EDNRB: variants seen among roughly 807,000 people sequenced by gnomAD.
EDNRB encodes the protein endothelin receptor type B, also known as Hirschsprung disease 2.
In EDNRB, 18 loss-of-function variants were observed where a neutral mutation model predicts 46.4. The observed-to-expected ratio is 0.39, with a 90% CI of 0.27 to 0.57. The LOEUF (loss-of-function observed/expected upper bound fraction) is 0.57, where lower values mean the gene tolerates loss of function less well. EDNRB is among the 20% of genes least tolerant of loss of function. The pLI is 0.61. For synonymous variants in EDNRB, 213 were observed against 204.9 expected (o/e 1.04, Z -0.34); for missense variants, 434 against 537.5 (o/e 0.81, Z 1.90).
At chr13:77,940,755 A>G (rs915415496) in intron 1 of EDNRB, among the ~76,000 whole-genome samples, 1 of 151,730 alleles carries the variant, frequency 6.6e-6, no homozygotes, top group Non-Finnish European at 1.5e-5. Context: ...CATGATGCAC[A>G]AAGAGCAGTT....
intron 1 of EDNRB, among the ~76,000 whole-genome samples, chr13:77,940,920 C>A (rs144812202): frequency 2.2e-3 from 340 of 152,242 alleles, no homozygotes; most frequent in African/African-American, 7.8e-3. Flanking sequence ...GAACAGGATC[C>A]TAGATGCCAT....
intron 1 of EDNRB, among the ~76,000 whole-genome samples, chr13:77,925,478 A>G (rs1368052594): frequency 2.0e-5 from 3 of 152,216 alleles, no homozygotes; most frequent in African/African-American, 7.2e-5. Flanking sequence ...TAAATGGCTA[A>G]AAGGGGCCAA....
intron 1 of EDNRB, among the ~76,000 whole-genome samples, chr13:77,941,243 G>A (rs1472617238): frequency 2.0e-5 from 3 of 152,178 alleles, no homozygotes; most frequent in African/African-American, 7.2e-5. Flanking sequence ...GGAGGGAAGA[G>A]ATTCAAGAAG....
chr13:77,959,172 C>A (rs1881326393), intron 1 of EDNRB, among the ~76,000 whole-genome samples: 1 of 152,220 alleles, frequency 6.6e-6, no homozygotes, highest in African/African-American at 2.4e-5. Flanking sequence ...ATGTCCCTGT[C>A]TGACAGCTTT....
At chr13:77,955,603 G>C (rs1299220812) in intron 1 of EDNRB, among the ~76,000 whole-genome samples, 1 of 151,962 alleles carries the variant, frequency 6.6e-6, no homozygotes, top group Non-Finnish European at 1.5e-5. Flanking sequence ...GAGTTTTATG[G>C]CTTCATGTTT....
intron 1 of EDNRB, among the ~76,000 whole-genome samples, chr13:77,943,827 T>A (rs957455424): frequency 6.6e-6 from 1 of 152,058 alleles, no homozygotes; most frequent in Admixed American, 6.6e-5. Context: ...TTCTTTTTTT[T>A]AAATAAGTAA....
Position 77,895,898 on chromosome 13 carries a change from T to C in EDNRB, c.*2302A>G, listed in dbSNP as rs899501477. 6.5e-6 allele frequency: 1 copy of C among 152,698 alleles called. No homozygotes were observed. The highest frequency in any genetic ancestry group is 1.5e-5 in the Non-Finnish European group (1 of 68,500). 9.5% of individuals were successfully genotyped at this position (152,698 alleles called of 1,614,324 possible). ...AGTGGATAATAAGGGAGAAAATAGG[T>C]TAAAATCTTTTATAAATCTTTTGAG... is the stretch of plus-strand genomic sequence containing the variant. On this transcript the variant is annotated 3_prime_UTR_variant, in exon 7 of 7. Coordinates refer to ENST00000646607, the MANE Select transcript of EDNRB (RefSeq NM_001122659.3).
At chr13:77,902,436 G>T (rs1046706792) in intron 3 of EDNRB, among the ~76,000 whole-genome samples, 1 of 151,618 alleles carries the variant, frequency 6.6e-6, no homozygotes, top group Admixed American at 6.6e-5. Flanking sequence ...CCCCCTCCTA[G>T]CCTCTATCAC....
intron 1 of EDNRB, among the ~76,000 whole-genome samples, chr13:77,915,313 T>C (rs548959772): frequency 2.0e-5 from 3 of 152,324 alleles, no homozygotes; most frequent in East Asian, 1.9e-4. Flanking sequence ...AAATCCTGAC[T>C]CAAATTAATT....
chr13:77,945,466 C>G (rs1880876494), intron 1 of EDNRB, among the ~76,000 whole-genome samples: 1 of 152,158 alleles, frequency 6.6e-6, no homozygotes. Flanking sequence ...AAATTAACAA[C>G]TTTTCTTGGA....
chr13:77,908,562 A>G (rs188870304), intron 1 of EDNRB, among the ~76,000 whole-genome samples: 1,770 of 152,164 alleles, frequency 0.012, 21 homozygotes, highest in Non-Finnish European at 0.02. Context: ...ACAACATCTA[A>G]CATCAATAAT....
Position 77,918,023 on chromosome 13 carries a change from C to G in EDNRB, c.483+68G>C. ...AAGGGAAGCTCCCTCTACAAGCTTT[C>G]TCATCTCCCCGTCTCCAACCAGGCC... On this transcript the variant is annotated intron_variant, in intron 1 of 6. Coordinates refer to ENST00000646607, the MANE Select transcript of EDNRB (RefSeq NM_001122659.3). This position sits in a 1 kb window ranked among gnomAD's most constrained non-coding sequence, Gnocchi z 4.5. 6.2e-7 allele frequency: 1 copy of G among 1,611,594 alleles called. No individual in the cohort carries two copies. Among genetic ancestry groups the G allele is most frequent in the Non-Finnish European group, 8.5e-7 (1 of 1,179,618 alleles).
intron 5 of EDNRB, 104 bp downstream of exon 5, chr13:77,900,417 G>T: frequency 6.5e-7 from 1 of 1,541,836 alleles, no homozygotes; most frequent in Non-Finnish European, 8.9e-7. Flanking sequence ...ACTTCCTAAG[G>T]GTTAGAAAAA....
upstream of EDNRB, among the ~76,000 whole-genome samples, chr13:77,922,141 G>A (rs537884149): frequency 6.7e-6 from 1 of 150,306 alleles, no homozygotes; most frequent in South Asian, 2.1e-4. Flanking sequence ...TTTTTGGCTA[G>A]GTAAATGTGG....
intron 1 of EDNRB, among the ~76,000 whole-genome samples, chr13:77,954,276 C>T (rs544612310): frequency 1.3e-5 from 2 of 152,130 alleles, no homozygotes; most frequent in East Asian, 3.9e-4. Context: ...TTTATAAAAA[C>T]TCCTTATATG....
chr13:77,945,859 T>C (rs1271075844), intron 1 of EDNRB, among the ~76,000 whole-genome samples: 4 of 109,740 alleles, frequency 3.6e-5, no homozygotes, highest in Admixed American at 3.2e-4. Context: ...GAAAATACTC[T>C]AAGCCATGCA....
intron 3 of EDNRB, 24 bp downstream of exon 3, chr13:77,903,132 G>A (rs1879084983): frequency 6.2e-7 from 1 of 1,611,056 alleles, no homozygotes; most frequent in South Asian, 1.1e-5. Flanking sequence ...GAGCAGAAAG[G>A]AAAATAAAAA....
intron 1 of EDNRB, among the ~76,000 whole-genome samples, chr13:77,906,668 C>T (rs1182669257): frequency 6.6e-6 from 1 of 151,964 alleles, no homozygotes; most frequent in African/African-American, 2.4e-5. Flanking sequence ...TAAGAGGATC[C>T]TCCAGCTTTA....
chr13:77,918,415 T>C lies in EDNRB; in HGVS notation c.159A>G (p.Leu53=), dbSNP rs761144663. 3.1e-6 allele frequency: 5 copies of C among 1,590,686 alleles called. No individual in the cohort carries two copies. In the Admixed American group the frequency reaches 7.0e-5, roughly 22 times the overall value. Residue 53 remains leucine, a synonymous_variant, in exon 1 of 7, where the codon TTA becomes TTG. Transcript: ENST00000646607. This position sits in a 1 kb window ranked among gnomAD's most constrained non-coding sequence, Gnocchi z 4.5. ...AEIMTPPTKT[L]WPKGSNASLA... is the part of the protein sequence containing the mutation. ...GACTGGCGTTGGAACCCTTGGGCCA[T>C]AAGGTCTTAGTGGGTGGCGTCATTA...
Sources: allele counts gnomAD v4.1 joint callset (sites outside exome capture counted in the v4.1 genomes callset), GRCh38; gene constraint gnomAD v4.1.1; non-coding constraint Gnocchi (gnomAD v3.1); transcripts MANE v1.5; gene names NCBI Gene and HGNC (gene_info 2026-07-23, HGNC 2026-07-21).